LRP5: variants seen among roughly 807,000 people sequenced by gnomAD.
LRP5 encodes LDL receptor related protein 5, also known as low-density lipoprotein receptor-related protein 5.
Under a neutral mutation model 154.1 loss-of-function variants are expected in LRP5, and 62 were observed. That is an observed-to-expected ratio of 0.40 (90% CI 0.33 to 0.50). The LOEUF (loss-of-function observed/expected upper bound fraction) is 0.50. Among genes scored for constraint, LRP5 ranks in the 20% least tolerant of loss-of-function variants. The pLI is 0.55. For synonymous variants in LRP5, 966 were observed against 1,011.5 expected, an observed-to-expected ratio of 0.96 and a Z score of 0.85; for missense variants, 1,915 against 2,336.7, an observed-to-expected ratio of 0.82 and a Z score of 3.72.
At chr11:68,399,370 TC>T (rs1185811591) in intron 7 of LRP5, among the ~76,000 whole-genome samples, 1 of 151,658 alleles carries the variant, frequency 6.6e-6, no homozygotes, top group Non-Finnish European at 1.5e-5. Context: ...AGACCCTGCC[TC>T]TTTAAAAAAA....
At chr11:68,400,596 C>G (rs1030625173) in intron 7 of LRP5, among the ~76,000 whole-genome samples, 5 of 150,684 alleles carry the variant, frequency 3.3e-5, no homozygotes, top group Non-Finnish European at 5.9e-5. Flanking sequence ...CAAAATTAGC[C>G]AGGCATGGTG....
rs563929452 is a variant in LRP5 at position 68,443,669 on chromosome 11, T to C, written c.4489-2767T>C. ...ACTTATTTTCACACTCTCTCTCTTT[T>C]TTTTTTGAGACAGAGTTTTGCTCCT... On this transcript the variant is annotated intron_variant, in intron 21 of 22. Transcript: ENST00000294304. 1.4e-4 allele frequency among the ~76,000 whole-genome samples: 21 copies of C among 146,016 alleles called. No homozygotes were observed. In the East Asian group the frequency reaches 2.0e-3, roughly 14 times the overall value.
At chr11:68,368,457 G>A (rs1156370636) in intron 5 of LRP5, among the ~76,000 whole-genome samples, 2 of 152,250 alleles carry the variant, frequency 1.3e-5, no homozygotes, top group Non-Finnish European at 1.5e-5. Context: ...TGTTGGGACC[G>A]ACTTCACGGG....
the LRP5 span, among the ~76,000 whole-genome samples, chr11:68,306,583 G>A: frequency 6.6e-6 from 1 of 152,196 alleles, no homozygotes; most frequent in Non-Finnish European, 1.5e-5. Flanking sequence ...AGGTCCCAGG[G>A]ATTAGGATGT....
chr11:68,413,110 C>G lies in LRP5; in HGVS notation c.2504-579C>G, dbSNP rs530855974. On this transcript the variant is annotated intron_variant, in intron 11 of 22. Transcript: ENST00000294304. The surrounding 1 kb of genome is among the most constrained non-coding windows in gnomAD (Gnocchi z 5.1). ...CAGCACATCCCGTGACCCAGCTCAT[C>G]CAGGCCGCATGCAAACCTGTTGCCA... 1 of 197,860 alleles carries G rather than the reference C, an allele frequency of 5.1e-6. No homozygotes were observed. Among genetic ancestry groups the G allele is most frequent in the South Asian group, 1.7e-4 (1 of 5,808 alleles). The allele number at this position is 197,860 out of a possible 1,614,324, so 12.3% of individuals were successfully genotyped here.
intron 21 of LRP5, among the ~76,000 whole-genome samples, chr11:68,445,314 G>C (rs2098680805): frequency 6.6e-6 from 1 of 152,108 alleles, no homozygotes; most frequent in South Asian, 2.1e-4. Flanking sequence ...TGGCCAGGCT[G>C]GTCTCGAACT....
chr11:68,428,790 C>T (rs191138035), intron 16 of LRP5, among the ~76,000 whole-genome samples: 17 of 141,790 alleles, frequency 1.2e-4, no homozygotes, highest in African/African-American at 2.7e-4. Flanking sequence ...CAATGAAAGA[C>T]GGGAAGAGGG....
chr11:68,375,217 C>T (rs1037862376), intron 5 of LRP5, among the ~76,000 whole-genome samples: 2 of 152,196 alleles, frequency 1.3e-5, no homozygotes, highest in African/African-American at 4.8e-5. Context: ...TGTGCCTCTG[C>T]TCTCCCTCCC....
intron 22 of LRP5, among the ~76,000 whole-genome samples, chr11:68,448,165 A>G (rs1158579751): frequency 6.6e-6 from 1 of 152,192 alleles, no homozygotes; most frequent in Non-Finnish European, 1.5e-5. Flanking sequence ...TTGTAAAACC[A>G]TCAAGTCTAG....
intron 5 of LRP5, among the ~76,000 whole-genome samples, chr11:68,366,109 G>A (rs1158831879): frequency 2.0e-5 from 3 of 152,090 alleles, no homozygotes; most frequent in Non-Finnish European, 2.9e-5. Flanking sequence ...GATGCAGCTC[G>A]CCTTCGGGGA....
chr11:68,312,729 GC>G lies in LRP5; in HGVS notation c.18del (p.Pro8ArgfsTer75). 3.8e-6 allele frequency: 4 copies of G among 1,051,046 alleles called. No individual in the cohort carries two copies. Among genetic ancestry groups the G allele is most frequent in the East Asian group, 9.6e-5 (1 of 10,386 alleles). The allele number at this position is 1,051,046 out of a possible 1,614,324, so 65.1% of individuals were successfully genotyped here. A position where few individuals can be genotyped will look rare whatever the true frequency, so the allele number is the denominator to read the frequency against. On this transcript the variant is annotated frameshift_variant, in exon 1 of 23. Coordinates refer to ENST00000294304, the MANE Select transcript of LRP5 (RefSeq NM_002335.4). LOFTEE classifies it high-confidence loss of function. ...CGCCGGACAACATGGAGGCAGCGCC[GC>G]CCGGGCCGCCGTGGCCGCTGCTGCT... MEAAP[P>X]GPPWPLLLLL...
intron 7 of LRP5, among the ~76,000 whole-genome samples, chr11:68,399,041 G>C (rs1331381571): frequency 6.6e-6 from 1 of 152,068 alleles, no homozygotes; most frequent in Non-Finnish European, 1.5e-5. Context: ...CACTGATAAA[G>C]TTTTGCCGGG....
upstream of LRP5, among the ~76,000 whole-genome samples, chr11:68,310,961 G>C (rs1297472421): frequency 6.6e-6 from 1 of 151,966 alleles, no homozygotes. Flanking sequence ...GAAGGCTTTT[G>C]CTTCTTTCCT....
rs781087378 is a variant in LRP5 at position 68,425,302 on chromosome 11, C to G, written c.3427+10C>G. ...AGCTGTGACCTGTCAGGTACGCGCCCCGGGGCCTGCCCTAACCGCAGACAC... is the reference window on the plus strand; with the variant it reads ...AGCTGTGACCTGTCAGGTACGCGCCGCGGGGCCTGCCCTAACCGCAGACAC... On this transcript the variant is annotated intron_variant, in intron 15 of 22. Transcript: ENST00000294304. 1 of 1,600,110 alleles carries G rather than the reference C, an allele frequency of 6.2e-7. No homozygotes were observed. The highest frequency in any genetic ancestry group is 8.5e-7 in the Non-Finnish European group (1 of 1,178,146).
chr11:68,390,525 T>C (rs1305278170), intron 7 of LRP5, among the ~76,000 whole-genome samples: 1 of 152,292 alleles, frequency 6.6e-6, no homozygotes, highest in African/African-American at 2.4e-5. Context: ...GGTGATTGGT[T>C]CCTAAGCAGT....
At position 68,328,684 on chromosome 11, in the gene LRP5, C is replaced by T. The variant is rs146280069; in HGVS notation, c.91+15879C>T. 8.7e-3 allele frequency among the ~76,000 whole-genome samples: 1,332 copies of T among 152,366 alleles called. 16 individuals carry two copies. The highest frequency in any genetic ancestry group is 8.7e-3 in the Non-Finnish European group (593 of 68,032). ...CTCAGGGGCACCGCAGTCTGCACCT[C>T]CGTCCCTGGATCCGTGCGTTTGCTG... On this transcript the variant is annotated intron_variant, in intron 1 of 22. Coordinates refer to ENST00000294304, the MANE Select transcript of LRP5 (RefSeq NM_002335.4).
intron 1 of LRP5, among the ~76,000 whole-genome samples, chr11:68,337,051 G>A (rs1001451822): frequency 8.5e-5 from 13 of 152,220 alleles, no homozygotes; most frequent in African/African-American, 2.2e-4. Context: ...CCATAAAAAC[G>A]CCAGCGTTGA....
chr11:68,302,733 T>C, the LRP5 span, among the ~76,000 whole-genome samples: 1 of 152,150 alleles, frequency 6.6e-6, no homozygotes, highest in East Asian at 1.9e-4. Flanking sequence ...GACACACATG[T>C]CTGGTGTTTG....
rs763916337 is a variant in LRP5, at chr11:68,439,763, C to T, written c.4349-14C>T. ...CTGGAAGCCACCTGACCTCCCCCGT[C>T]CCTTCCCTGCCAGGCATCGCATGCG... On this transcript the variant is annotated splice_polypyrimidine_tract_variant and intron_variant, in intron 20 of 22. Coordinates refer to ENST00000294304, the MANE Select transcript of LRP5 (RefSeq NM_002335.4). The T allele has an allele frequency of 5.6e-6, 9 of 1,608,330 alleles. No individual in the cohort carries two copies. In the South Asian group the frequency reaches 8.9e-5, roughly 16 times the overall value.
Sources: gnomAD v4.1 joint callset for allele counts (sites outside exome capture counted in the v4.1 genomes callset) on GRCh38, gnomAD v4.1.1 for gene constraint, Gnocchi (gnomAD v3.1) non-coding constraint, MANE v1.5 for transcripts, NCBI Gene and HGNC (gene_info 2026-07-23, HGNC 2026-07-21) for gene names.